Variants in NAV1 observed in about 807,000 individuals in gnomAD.
NAV1 encodes the protein neuron navigator 1, also known as pore membrane and/or filament interacting like protein 3.
In NAV1, 18 loss-of-function variants were observed where a neutral mutation model predicts 175.2. That is an observed-to-expected ratio of 0.10 (90% CI 0.07 to 0.15). The LOEUF is 0.15. Ranked by LOEUF, NAV1 falls within the 10% of genes least tolerant of loss-of-function variation. The pLI is 1.00. For synonymous variants in NAV1, 897 were observed against 978.7 expected, an observed-to-expected ratio of 0.92 and a Z score of 1.56; for missense variants, 1,731 against 2,436.6, an observed-to-expected ratio of 0.71 and a Z score of 6.10.
intron 1 of NAV1, among the ~76,000 whole-genome samples, chr1:201,655,892 G>A (rs934601364): frequency 1.5e-4 from 23 of 152,130 alleles, no homozygotes; most frequent in Non-Finnish European, 4.4e-5. Flanking sequence ...GTGGAGGGGT[G>A]TGTTGCATAG....
chr1:201,735,394 C>T (rs982985566), intron 3 of NAV1, among the ~76,000 whole-genome samples: 6 of 152,222 alleles, frequency 3.9e-5, no homozygotes, highest in African/African-American at 1.4e-4. Context: ...TTTCTGACCA[C>T]ATGAACTGGG....
chr1:201,670,380 C>CAAAAAAAA (rs58216500), intron 1 of NAV1, among the ~76,000 whole-genome samples: 14 of 12,186 alleles, frequency 1.1e-3, no homozygotes, highest in African/African-American at 3.4e-3. Context: ...GACTCCATCT[C>CAAAAAAAA]AAAAAAAAAA....
rs1395038894 is a variant in NAV1, at chr1:201,794,650, G to A, written c.3517+73G>A. The A allele has an allele frequency of 3.8e-6, 5 of 1,325,774 alleles. No homozygotes were observed. In the Admixed American group the frequency reaches 8.8e-5, roughly 23 times the overall value. 82.1% of individuals were successfully genotyped at this position (1,325,774 alleles called of 1,614,324 possible). On this transcript the variant is annotated intron_variant, in intron 15 of 29. Transcript: ENST00000367296. ...AAGAGTATTACAGATTTTTATCTGG[G>A]CCCATAGTATTCCAAGTCCTATATC...
At chr1:201,649,564 A>C in intron 1 of NAV1, 139 bp downstream of exon 5, 1 of 1,360,614 alleles carries the variant, frequency 7.3e-7, no homozygotes, top group Non-Finnish European at 9.7e-7. Flanking sequence ...TGTGATGGGC[A>C]TTGCGCCCAG....
At chr1:201,576,661 G>A (rs1485155745) in intron 1 of NAV1, among the ~76,000 whole-genome samples, 1 of 152,150 alleles carries the variant, frequency 6.6e-6, no homozygotes, top group Non-Finnish European at 1.5e-5. Context: ...ATGTACAGTT[G>A]TTGGGTCACG....
intron 1 of NAV1, among the ~76,000 whole-genome samples, chr1:201,687,936 C>T (rs895315840): frequency 6.6e-6 from 1 of 152,208 alleles, no homozygotes; most frequent in Non-Finnish European, 1.5e-5. Flanking sequence ...CCCAAACACG[C>T]CTGATTCTGC....
intron 1 of NAV1, among the ~76,000 whole-genome samples, chr1:201,661,847 G>A (rs1669626463): frequency 6.6e-6 from 1 of 152,172 alleles, no homozygotes; most frequent in African/African-American, 2.4e-5. Context: ...CTTCTTCATG[G>A]AAGATTTAAG....
At position 201,740,130 on chromosome 1, in the gene NAV1, G is replaced by T. The variant is rs892061210; in HGVS notation, c.1226+21375G>T. 1.4e-6 allele frequency: 2 copies of T among 1,383,744 alleles called. No homozygotes were observed. Among genetic ancestry groups the T allele is most frequent in the Non-Finnish European group, 1.9e-6 (2 of 1,054,266 alleles). 85.7% of individuals were successfully genotyped at this position (1,383,744 alleles called of 1,614,324 possible). A position where few individuals can be genotyped will look rare whatever the true frequency, so the allele number is the denominator to read the frequency against. The stretch of plus-strand genomic sequence containing the variant: ...CGCCAGACCGCAGAGCTGGGGTCGG[G>T]TTTGTGGCACCCCCAGCCCCGCCGC... On this transcript the variant is annotated intron_variant, in intron 3 of 29. Coordinates refer to ENST00000367296, the Ensembl canonical transcript of NAV1. The surrounding 1 kb of genome is among the most constrained non-coding windows in gnomAD (Gnocchi z 4.7).
chr1:201,637,731 C>T (rs896948294), intron 2 of NAV1, among the ~76,000 whole-genome samples: 1 of 152,228 alleles, frequency 6.6e-6, no homozygotes, highest in Non-Finnish European at 1.5e-5. Flanking sequence ...CACATGGGCA[C>T]AGCCACAGGC....
chr1:201,626,071 G>A (rs1194249028), intron 1 of NAV1, among the ~76,000 whole-genome samples: 3 of 152,176 alleles, frequency 2.0e-5, no homozygotes, highest in African/African-American at 7.2e-5. Flanking sequence ...AGACAGATTT[G>A]AGGCTCAAGG....
At chr1:201,802,476 A>AAAG (rs1491241462) in intron 15 of NAV1, among the ~76,000 whole-genome samples, 2 of 118,854 alleles carry the variant, frequency 1.7e-5, no homozygotes, top group Non-Finnish European at 3.7e-5. Context: ...AAAAAAAAAA[A>AAAG]GAAAGAAAGA....
At chr1:201,732,640 G>C (rs77023169) in intron 3 of NAV1, among the ~76,000 whole-genome samples, 1,727 of 152,218 alleles carry the variant, frequency 0.011, 52 homozygotes, top group East Asian at 0.11. Context: ...TTTGTGCTTC[G>C]GTGTCATTAT....
At chr1:201,799,817 G>A (rs1010235272) in intron 15 of NAV1, among the ~76,000 whole-genome samples, 18 of 148,314 alleles carry the variant, frequency 1.2e-4, no homozygotes, top group African/African-American at 4.2e-4. Flanking sequence ...GCGAGATCGC[G>A]CCATTACACT....
chr1:201,783,192 T>A (rs1206905733), intron 6 of NAV1, among the ~76,000 whole-genome samples: 1 of 152,198 alleles, frequency 6.6e-6, no homozygotes, highest in Non-Finnish European at 1.5e-5. Context: ...CACTTGTATC[T>A]CCCATGTGCA....
Position 201,730,325 on chromosome 1 carries a change from G to A in NAV1, c.1226+11570G>A, listed in dbSNP as rs147238289. On this transcript the variant is annotated intron_variant, in intron 3 of 29. Transcript: ENST00000367296. ...ATTGGAACTCAGATTAACTGGCTTG[G>A]GAGGATCATATAACTCAAAGTGGCC... Among the ~76,000 whole-genome samples the A allele has an allele frequency of 3.6e-4, 55 of 152,322 alleles. 1 individual carries two copies. Among genetic ancestry groups the A allele is most frequent in the African/African-American group, 1.3e-3 (55 of 41,574 alleles).
intron 12 of NAV1, 37 bp downstream of exon 16, chr1:201,790,614 C>G: frequency 6.2e-7 from 1 of 1,614,002 alleles, no homozygotes; most frequent in Non-Finnish European, 8.5e-7. Flanking sequence ...TTGTTAACAT[C>G]ACTGCACCTC....
At chr1:201,706,277 G>GTGTC (rs891289876) in intron 1 of NAV1, among the ~76,000 whole-genome samples, 9 of 151,460 alleles carry the variant, frequency 5.9e-5, no homozygotes, top group African/African-American at 2.2e-4. Flanking sequence ...GTGTGTGTGT[G>GTGTC]TGTCTGTGTG....
intron 1 of NAV1, among the ~76,000 whole-genome samples, chr1:201,697,271 G>A (rs1213804038): frequency 6.6e-6 from 1 of 152,270 alleles, no homozygotes; most frequent in South Asian, 2.1e-4. Context: ...GAGGGGTGAA[G>A]GGATCAGTGA....
chr1:201,587,022 A>G (rs751928464), intron 1 of NAV1, among the ~76,000 whole-genome samples: 1 of 152,062 alleles, frequency 6.6e-6, no homozygotes, highest in Non-Finnish European at 1.5e-5. Flanking sequence ...CTGGCAATAT[A>G]GCAAGACCCG....
Sources: allele counts gnomAD v4.1 joint callset (sites outside exome capture counted in the v4.1 genomes callset), GRCh38; gene constraint gnomAD v4.1.1; non-coding constraint Gnocchi (gnomAD v3.1); transcripts MANE v1.5; gene names NCBI Gene and HGNC (gene_info 2026-07-23, HGNC 2026-07-21).